GTF2H4: variants seen among roughly 807,000 people sequenced by gnomAD.
GTF2H4 encodes general transcription factor IIH subunit 4.
In GTF2H4, 49 loss-of-function variants were observed where a neutral mutation model predicts 62.2. The ratio of observed to expected loss-of-function variants is 0.79; its 90% confidence interval spans 0.63 to 1.00. The LOEUF is 1.00. GTF2H4 is among the 50% of genes least tolerant of loss of function. GTF2H4 has a pLI of 0.00. For synonymous variants in GTF2H4, 189 were observed against 233.8 expected, an observed-to-expected ratio of 0.81 and a Z score of 1.75; for missense variants, 479 against 587.8, an observed-to-expected ratio of 0.81 and a Z score of 1.91.
rs906499539 is a variant in GTF2H4, at chr6:30,912,845, T to TA, written c.1090-258dup. ...TCAGCACCTGTCATGCAATAAATGC[T>TA]AAAAAAAGAAAATAGTAGCTGCTGC... On this transcript the variant is annotated intron_variant, in intron 11 of 13. Transcript: ENST00000259895. This position sits in a 1 kb window ranked among gnomAD's most constrained non-coding sequence, Gnocchi z 4.8. Among the ~76,000 whole-genome samples the TA allele has an allele frequency of 5.4e-4, 82 of 151,890 alleles. No individual in the cohort carries two copies. Among genetic ancestry groups the TA allele is most frequent in the African/African-American group, 1.8e-3 (73 of 41,424 alleles).
Position 30,913,326 on chromosome 6 carries a change from C to A in GTF2H4, c.1155C>A (p.Pro385=), listed in dbSNP as rs1132408. Residue 385 remains proline, a synonymous_variant, in exon 13 of 14, where the codon CCC becomes CCA. Coordinates refer to ENST00000259895, the MANE Select transcript of GTF2H4 (RefSeq NM_001517.5). The surrounding 1 kb of genome is among the most constrained non-coding windows in gnomAD (Gnocchi z 4.2). ...CCTTGCAGACACCTGTGCTGCCCCC[C>A]ACCATCACCGACCAGATCCGGCTCT... ...VMLKQTPVLP[P]TITDQIRLWE... 24,812 of 1,613,550 alleles carry A rather than the reference C, an allele frequency of 0.015. 252 individuals carry two copies. The highest frequency in any genetic ancestry group is 0.03 in the African/African-American group (2,224 of 75,020).
rs776194626 is a variant in GTF2H4, at chr6:30,912,123, A to G, written c.935A>G (p.Asn312Ser). 1.5e-5 allele frequency: 24 copies of G among 1,612,862 alleles called. No individual in the cohort carries two copies. The East Asian group carries it at 3.6e-4, about 24-fold the overall frequency. The part of the protein sequence containing the change: ...HQPGFIVVET[N>S]YRLYAYTESE... ...CCAGGTTTCATTGTCGTGGAAACCA[A>G]TTACCGACTGTATGCCTACACGGGT... is the stretch of plus-strand genomic sequence containing the variant. Residue 312 changes from asparagine to serine, a missense_variant, in exon 10 of 14, where the codon AAT becomes AGT. Physicochemically the swap from Asn to Ser is conservative, Grantham distance 46. Coordinates refer to ENST00000259895, the MANE Select transcript of GTF2H4 (RefSeq NM_001517.5). This position sits in a 1 kb window ranked among gnomAD's most constrained non-coding sequence, Gnocchi z 4.8.
chr6:30,910,056 C>T lies in GTF2H4; in HGVS notation c.367C>T (p.Leu123=), dbSNP rs1562436427. ...IFRQNLRIAL[L]GGGKAWSDDT... ...CCGCCAGAACCTCCGCATTGCCCTT[C>T]TGGGTGGGTATGTCACTTCTCTCTC... Residue 123 remains leucine (L), a synonymous_variant, in exon 4 of 14, where the codon CTG becomes TTG. Coordinates refer to ENST00000259895, the MANE Select transcript of GTF2H4 (RefSeq NM_001517.5). The surrounding 1 kb of genome is among the most constrained non-coding windows in gnomAD (Gnocchi z 4.7). 1 of 1,612,812 alleles carries T rather than the reference C, an allele frequency of 6.2e-7. No individual in the cohort carries two copies. The highest frequency in any genetic ancestry group is 8.5e-7 in the Non-Finnish European group (1 of 1,179,948).
intron 1 of GTF2H4, 144 bp downstream of exon 1, chr6:30,908,547 A>G: frequency 4.9e-6 from 1 of 203,710 alleles, no homozygotes; most frequent in Non-Finnish European, 1.0e-5. Context: ...AGACTTGGGA[A>G]GGGAAAAGAG....
Position 30,911,135 on chromosome 6 carries a change from A to G in GTF2H4, c.561-23A>G. On this transcript the variant is annotated intron_variant, in intron 6 of 13. Coordinates refer to ENST00000259895, the MANE Select transcript of GTF2H4 (RefSeq NM_001517.5). The surrounding 1 kb of genome is among the most constrained non-coding windows in gnomAD (Gnocchi z 4.3). ...TAGTCTTTCTCTGCATATCACCATC[A>G]TTGTCCTGGTCTTTGTCTCTAGTAC... is the stretch of plus-strand genomic sequence containing the variant. The G allele has an allele frequency of 6.4e-7, 1 of 1,563,996 alleles. No homozygotes were observed. Among genetic ancestry groups the G allele is most frequent in the Non-Finnish European group, 8.8e-7 (1 of 1,135,250 alleles).
At position 30,910,939 on chromosome 6, in the gene GTF2H4, G is replaced by A; in HGVS notation, c.558G>A (p.Lys186=). The A allele has an allele frequency of 6.2e-7, 1 of 1,605,518 alleles. No individual in the cohort carries two copies. Among genetic ancestry groups the A allele is most frequent in the Non-Finnish European group, 8.5e-7 (1 of 1,176,516 alleles). The change falls in exon 6 of 14, where the codon AAG becomes AAA. Residue 186 remains lysine (K), a splice_region_variant and synonymous_variant. Coordinates refer to ENST00000259895, the MANE Select transcript of GTF2H4 (RefSeq NM_001517.5). The surrounding 1 kb of genome is among the most constrained non-coding windows in gnomAD (Gnocchi z 4.7). The part of the protein sequence containing the change: ...AQLLSQAGLM[K]STEPGEPPCI... ...TCCTCAGCCAGGCTGGGCTCATGAAGAGGTGAGGAAGCCGGAGGTACAGCA... is the reference window on the plus strand; with the variant it reads ...TCCTCAGCCAGGCTGGGCTCATGAAAAGGTGAGGAAGCCGGAGGTACAGCA...
Position 30,911,498 on chromosome 6 carries a change from A to T in GTF2H4, c.740A>T (p.Lys247Met). 4 of 1,613,570 alleles carry T rather than the reference A, an allele frequency of 2.5e-6. No homozygotes were observed. The highest frequency in any genetic ancestry group is 3.4e-6 in the Non-Finnish European group (4 of 1,179,458). Reference protein sequence around the residue: ...LFQLSFSTLGKDYSVEGMSDS... With the variant: ...LFQLSFSTLGMDYSVEGMSDS... ...CAGCTCAGCTTCTCTACTCTGGGCAAGGTAAGCAGGGGGCTGAAAGGTATA... is the reference window on the plus strand; with the variant it reads ...CAGCTCAGCTTCTCTACTCTGGGCATGGTAAGCAGGGGGCTGAAAGGTATA... The change falls in exon 8 of 14, where the codon AAG (lysine) becomes ATG (methionine). Residue 247 changes from lysine (K) to methionine (M), a missense_variant and splice_region_variant. Transcript: ENST00000259895. This position sits in a 1 kb window ranked among gnomAD's most constrained non-coding sequence, Gnocchi z 4.3.
chr6:30,913,171 C>G lies in GTF2H4; in HGVS notation c.1137+14C>G, dbSNP rs747303363. On this transcript the variant is annotated intron_variant, in intron 12 of 13. Coordinates refer to ENST00000259895, the MANE Select transcript of GTF2H4 (RefSeq NM_001517.5). The surrounding 1 kb of genome is among the most constrained non-coding windows in gnomAD (Gnocchi z 4.2). ...ATGCTCAAACAGGTATAGACAGGCT[C>G]CAAGATGTCAGAGGCTGGCAGCTGG... The G allele has an allele frequency of 1.1e-5, 18 of 1,613,892 alleles. No homozygotes were observed. The highest frequency in any genetic ancestry group is 1.5e-5 in the Non-Finnish European group (18 of 1,179,914).
chr6:30,909,262 G>A lies in GTF2H4; in HGVS notation c.137+89G>A, dbSNP rs982844240. 9 of 1,472,730 alleles carry A rather than the reference G, an allele frequency of 6.1e-6. No individual in the cohort carries two copies. The highest frequency in any genetic ancestry group is 1.4e-5 in the African/African-American group (1 of 71,432). The allele number at this position is 1,472,730 out of a possible 1,614,324, so 91.2% of individuals were successfully genotyped here. A position where few individuals can be genotyped will look rare whatever the true frequency, so the allele number is the denominator to read the frequency against. On this transcript the variant is annotated intron_variant, in intron 2 of 13. Transcript: ENST00000259895. This position sits in a 1 kb window ranked among gnomAD's most constrained non-coding sequence, Gnocchi z 4.3. The stretch of plus-strand genomic sequence containing the variant: ...GGTAAAAGTGTAGCAGCCTGGAGTC[G>A]GGGTGGGGACTGGGGGCAAGGGTTG...
chr6:30,909,226 A>T lies in GTF2H4; in HGVS notation c.137+53A>T. 1 of 1,559,148 alleles carries T rather than the reference A, an allele frequency of 6.4e-7. No homozygotes were observed. The highest frequency in any genetic ancestry group is 8.7e-7 in the Non-Finnish European group (1 of 1,150,374). On this transcript the variant is annotated intron_variant, in intron 2 of 13. Transcript: ENST00000259895. This position sits in a 1 kb window ranked among gnomAD's most constrained non-coding sequence, Gnocchi z 4.3. ...TGTAATGGGGTCTGCGGAGTGGAAT[A>T]AAATATCATAGGTAAAAGTGTAGCA...
chr6:30,909,134 G>A lies in GTF2H4; in HGVS notation c.98G>A (p.Arg33Gln), dbSNP rs368980384. 20 of 1,613,996 alleles carry A rather than the reference G, an allele frequency of 1.2e-5. No homozygotes were observed. Among genetic ancestry groups the A allele is most frequent in the East Asian group, 2.2e-5 (1 of 44,884 alleles). ...LGGLSPGVLD[R>Q]LYGHPATCLA... ...GGCCTGAGCCCTGGGGTATTGGACCGATTGTATGGGCACCCTGCCACATGT... is the reference window on the plus strand; with the variant it reads ...GGCCTGAGCCCTGGGGTATTGGACCAATTGTATGGGCACCCTGCCACATGT... Residue 33 changes from arginine to glutamine, a missense_variant, in exon 2 of 14, where the codon CGA becomes CAA. Coordinates refer to ENST00000259895, the MANE Select transcript of GTF2H4 (RefSeq NM_001517.5). This position sits in a 1 kb window ranked among gnomAD's most constrained non-coding sequence, Gnocchi z 4.3.
rs149089061 is a variant in GTF2H4, at chr6:30,910,743, C to T, written c.453C>T (p.Tyr151=). The change falls in exon 5 of 14, where the codon TAC becomes TAT. Residue 151 remains tyrosine, a synonymous_variant. Coordinates refer to ENST00000259895, the MANE Select transcript of GTF2H4 (RefSeq NM_001517.5). The surrounding 1 kb of genome is among the most constrained non-coding windows in gnomAD (Gnocchi z 4.7). ...GGGACGTTCCCTCCCTTGACAAGTA[C>T]GCCGAGGAGCGATGGGAGGTAAGCA... The part of the protein sequence containing the change: ...HARDVPSLDK[Y]AEERWEVVLH... 1.4e-5 allele frequency: 23 copies of T among 1,612,404 alleles called. No homozygotes were observed. Among genetic ancestry groups the T allele is most frequent in the Admixed American group, 3.3e-5 (2 of 59,966 alleles).
chr6:30,913,065 G>C lies in GTF2H4; in HGVS notation c.1090-45G>C, dbSNP rs755245161. The C allele has an allele frequency of 7.5e-6, 12 of 1,605,490 alleles. No individual in the cohort carries two copies. Among genetic ancestry groups the C allele is most frequent in the Non-Finnish European group, 9.4e-6 (11 of 1,173,104 alleles). ...AGGTGACAGCTCAGATGGCTTTCCT[G>C]CCTTCTTGCTGGAGCCCTCATGCCA... On this transcript the variant is annotated intron_variant, in intron 11 of 13. Coordinates refer to ENST00000259895, the MANE Select transcript of GTF2H4 (RefSeq NM_001517.5). This position sits in a 1 kb window ranked among gnomAD's most constrained non-coding sequence, Gnocchi z 4.2.
rs936107419 is a variant in GTF2H4 at position 30,910,532 on chromosome 6, T to C, written c.375-133T>C. On this transcript the variant is annotated intron_variant, in intron 4 of 13. Coordinates refer to ENST00000259895, the MANE Select transcript of GTF2H4 (RefSeq NM_001517.5). The surrounding 1 kb of genome is among the most constrained non-coding windows in gnomAD (Gnocchi z 4.7). ...TTTTAGTAGAGATGGGGTTTCGCCATGTTGGCCAGGCTGGTCTTGAACTCC... is the reference window on the plus strand; with the variant it reads ...TTTTAGTAGAGATGGGGTTTCGCCACGTTGGCCAGGCTGGTCTTGAACTCC... The C allele has an allele frequency of 2.8e-6, 2 of 720,774 alleles. No homozygotes were observed. The highest frequency in any genetic ancestry group is 5.1e-6 in the Non-Finnish European group (2 of 394,396). The allele number at this position is 720,774 out of a possible 1,614,324, so 44.6% of individuals were successfully genotyped here. A position where few individuals can be genotyped will look rare whatever the true frequency, so the allele number is the denominator to read the frequency against.
chr6:30,911,302 C>T lies in GTF2H4; in HGVS notation c.672+33C>T. On this transcript the variant is annotated intron_variant, in intron 7 of 13. Coordinates refer to ENST00000259895, the MANE Select transcript of GTF2H4 (RefSeq NM_001517.5). The surrounding 1 kb of genome is among the most constrained non-coding windows in gnomAD (Gnocchi z 4.3). Reference sequence around the variant, plus strand: ...GGCAGGGCCACTTAACCAGCATGCTCTGCTCCTCTCAGGTCTCACTGAGAG... The same window carrying T: ...GGCAGGGCCACTTAACCAGCATGCTTTGCTCCTCTCAGGTCTCACTGAGAG... 1 of 1,557,066 alleles carries T rather than the reference C, an allele frequency of 6.4e-7. No homozygotes were observed. Among genetic ancestry groups the T allele is most frequent in the Non-Finnish European group, 8.9e-7 (1 of 1,129,480 alleles).
chr6:30,913,498 C>A lies in GTF2H4; in HGVS notation c.1216+111C>A. On this transcript the variant is annotated intron_variant, in intron 13 of 13. Coordinates refer to ENST00000259895, the MANE Select transcript of GTF2H4 (RefSeq NM_001517.5). The surrounding 1 kb of genome is among the most constrained non-coding windows in gnomAD (Gnocchi z 4.2). ...GACTAGGAGAGAAAAGCTGGCAAGA[C>A]AGTTTTTTGTTGTTTTGGGGTGAGT... The A allele has an allele frequency of 7.8e-7, 1 of 1,287,502 alleles. No homozygotes were observed. Among genetic ancestry groups the A allele is most frequent in the Non-Finnish European group, 1.1e-6 (1 of 931,054 alleles). The allele number at this position is 1,287,502 out of a possible 1,614,324, so 79.8% of individuals were successfully genotyped here. A position where few individuals can be genotyped will look rare whatever the true frequency, so the allele number is the denominator to read the frequency against.
chr6:30,909,916 T>G lies in GTF2H4; in HGVS notation c.243-16T>G, dbSNP rs772452751. 1.2e-6 allele frequency: 2 copies of G among 1,607,206 alleles called. No individual in the cohort carries two copies. ...GTTTTCCAAATACCCTACTCACCTC[T>G]CTGCTTCTGTTCCAGGGCTCAGGAG... On this transcript the variant is annotated splice_polypyrimidine_tract_variant and intron_variant, in intron 3 of 13. Transcript: ENST00000259895. The surrounding 1 kb of genome is among the most constrained non-coding windows in gnomAD (Gnocchi z 4.3).
Position 30,909,124 on chromosome 6 carries a change from G to C in GTF2H4, c.88G>C (p.Val30Leu). Residue 30 changes from valine (V) to leucine (L), a missense_variant, in exon 2 of 14, where the codon GTA becomes CTA. Transcript: ENST00000259895. The surrounding 1 kb of genome is among the most constrained non-coding windows in gnomAD (Gnocchi z 4.3). ...ATTCTTAGGGGGCCTGAGCCCTGGG[G>C]TATTGGACCGATTGTATGGGCACCC... is the stretch of plus-strand genomic sequence containing the variant. ...QEFLGGLSPG[V>L]LDRLYGHPAT... 1 of 1,614,130 alleles carries C rather than the reference G, an allele frequency of 6.2e-7. No homozygotes were observed.
In GTF2H4 at chr6:30,911,255, T is replaced by G. The variant is rs1352663091; in HGVS notation, c.658T>G (p.Leu220Val). The G allele has an allele frequency of 3.1e-6, 5 of 1,613,140 alleles. No homozygotes were observed. Among genetic ancestry groups the G allele is most frequent in the Non-Finnish European group, 3.4e-6 (4 of 1,179,814 alleles). The change falls in exon 7 of 14, where the codon TTG becomes GTG. Residue 220 changes from leucine to valine, a missense_variant. Transcript: ENST00000259895. The surrounding 1 kb of genome is among the most constrained non-coding windows in gnomAD (Gnocchi z 4.3). Reference sequence around the variant, plus strand: ...GCTCTGGTACTTTATGTTGCAGTATTTGCAGACAGCCCAGGTGAGGAGGCA... The same window carrying G: ...GCTCTGGTACTTTATGTTGCAGTATGTGCAGACAGCCCAGGTGAGGAGGCA... ...AQLWYFMLQY[L>V]QTAQSRGMDL...
Sources: gnomAD v4.1 joint callset for allele counts (sites outside exome capture counted in the v4.1 genomes callset) on GRCh38, gnomAD v4.1.1 for gene constraint, Gnocchi (gnomAD v3.1) non-coding constraint, MANE v1.5 for transcripts, NCBI Gene and HGNC (gene_info 2026-07-23, HGNC 2026-07-21) for gene names.